Variants in STPG2 observed in about 807,000 individuals in gnomAD.
The protein encoded by STPG2 is sperm-tail PG-rich repeat-containing protein 2.
Under a neutral mutation model 54.2 loss-of-function variants are expected in STPG2, and 56 were observed. The ratio of observed to expected loss-of-function variants is 1.03; its 90% CI spans 0.83 to 1.29. The LOEUF (loss-of-function observed/expected upper bound fraction) is 1.29. STPG2 is among the 50% of genes most tolerant of loss of function. The pLI, the probability that STPG2 is intolerant of heterozygous loss-of-function variation, is 0.00. For missense variants in STPG2, 596 were observed against 544.9 expected, an observed-to-expected ratio of 1.09 and a Z score of -0.93; for synonymous variants, 200 against 181.8, an observed-to-expected ratio of 1.10 and a Z score of -0.81.
At chr4:97,813,417 C>T (rs989104909) in intron 9 of STPG2, among the ~76,000 whole-genome samples, 2 of 151,806 alleles carry the variant, frequency 1.3e-5, no homozygotes, top group Admixed American at 6.6e-5. Flanking sequence ...ATTTATTGAG[C>T]ACTTACTATG....
intron 10 of STPG2, among the ~76,000 whole-genome samples, chr4:97,626,111 A>T (rs937072034): frequency 2.6e-5 from 4 of 152,194 alleles, no homozygotes; most frequent in African/African-American, 9.7e-5. Flanking sequence ...CATAAATGTT[A>T]TTCACTCTAT....
intron 8 of STPG2, among the ~76,000 whole-genome samples, chr4:97,904,201 T>C (rs1179865858): frequency 9.9e-5 from 15 of 152,168 alleles, no homozygotes; most frequent in Non-Finnish European, 4.4e-5. Context: ...AATGTCCCTG[T>C]CTAACAGCTT....
chr4:98,113,165 C>T (rs1739412599), intron 3 of STPG2, among the ~76,000 whole-genome samples: 1 of 152,004 alleles, frequency 6.6e-6, no homozygotes, highest in Non-Finnish European at 1.5e-5. Flanking sequence ...AATCCGGCAG[C>T]TTTAGCTGTG....
intron 8 of STPG2, among the ~76,000 whole-genome samples, chr4:97,844,625 C>A (rs1056673425): frequency 6.6e-6 from 1 of 151,972 alleles, no homozygotes; most frequent in African/African-American, 2.4e-5. Flanking sequence ...ACTAGTTTGA[C>A]TATAATGTAT....
chr4:97,815,564 A>G (rs967807600), intron 9 of STPG2, among the ~76,000 whole-genome samples: 2 of 152,182 alleles, frequency 1.3e-5, no homozygotes, highest in Non-Finnish European at 2.9e-5. Context: ...CATGTAACAT[A>G]AGATGTAATG....
chr4:98,084,627 T>A (rs895576605), intron 5 of STPG2, among the ~76,000 whole-genome samples: 25 of 152,196 alleles, frequency 1.6e-4, no homozygotes, highest in African/African-American at 6.0e-4. Flanking sequence ...ATTTGATATT[T>A]CCAGTCTCTT....
At chr4:97,737,989 C>A (rs1368183649) in intron 9 of STPG2, among the ~76,000 whole-genome samples, 1 of 152,148 alleles carries the variant, frequency 6.6e-6, no homozygotes, top group African/African-American at 2.4e-5. Context: ...CAAAGGGAAG[C>A]CCATCAGGCT....
At chr4:98,033,900 A>G (rs188023303) in intron 5 of STPG2, among the ~76,000 whole-genome samples, 35 of 152,186 alleles carry the variant, frequency 2.3e-4, no homozygotes, top group Admixed American at 2.1e-3. Context: ...AAAATTCAAC[A>G]CCCCTTAATG....
rs1455232551 is a variant in STPG2, at chr4:97,840,776, G to T, written c.1201C>A (p.Pro401Thr). 1 of 1,610,404 alleles carries T rather than the reference G, an allele frequency of 6.2e-7. No homozygotes were observed. The highest frequency in any genetic ancestry group is 8.5e-7 in the Non-Finnish European group (1 of 1,177,732). Residue 401 changes from proline to threonine, a missense_variant, in exon 9 of 11, where the codon CCA becomes ACA. By Grantham distance (38) the Pro-to-Thr change is conservative. Transcript: ENST00000295268. ...TTATAAGGACTTCTAGACTTACCTGGCCCATCAGTCACTTTTTCTAGGCAC... is the reference window on the plus strand; with the variant it reads ...TTATAAGGACTTCTAGACTTACCTGTCCCATCAGTCACTTTTTCTAGGCAC... ...PRCLEKVTDG[P>T]GPAAYNPVLR...
intron 4 of STPG2, among the ~76,000 whole-genome samples, chr4:97,486,108 G>T (rs1365077732): frequency 6.6e-6 from 1 of 150,996 alleles, no homozygotes; most frequent in Non-Finnish European, 1.5e-5. Flanking sequence ...ATAGACATTG[G>T]CTTAGGCAAG....
intron 4 of STPG2, among the ~76,000 whole-genome samples, chr4:97,464,591 A>G (rs913346988): frequency 2.6e-5 from 4 of 152,024 alleles, no homozygotes; most frequent in Admixed American, 2.6e-4. Context: ...TAATTTTTGT[A>G]TTTTTAGTAG....
chr4:97,788,793 T>C lies in STPG2; in HGVS notation c.1204+51980A>G, dbSNP rs260901. ...ATGCCCACTTTTTAATTCCTGATAT[T>C]ATATAGTTTTTGTTAATTCAATTTT... On this transcript the variant is annotated intron_variant, in intron 9 of 10. Transcript: ENST00000295268. Among the ~76,000 whole-genome samples the C allele has an allele frequency of 3.7e-3, 568 of 152,216 alleles. 3 individuals are homozygous for C. Among genetic ancestry groups the C allele is most frequent in the Non-Finnish European group, 6.5e-3 (440 of 67,984 alleles).
intron 10 of STPG2, among the ~76,000 whole-genome samples, chr4:97,583,032 C>G (rs1302363081): frequency 1.3e-5 from 2 of 151,924 alleles, no homozygotes; most frequent in Admixed American, 1.3e-4. Context: ...GATGAAAATG[C>G]CTTTACATTA....
At chr4:97,962,859 A>G (rs74424478) in intron 7 of STPG2, among the ~76,000 whole-genome samples, 1,590 of 152,286 alleles carry the variant, frequency 0.01, 32 homozygotes, top group African/African-American at 0.036. Context: ...TCTACAGTGA[A>G]GAATAAATAC....
chr4:97,879,665 T>C (rs1267913740), intron 8 of STPG2, among the ~76,000 whole-genome samples: 4 of 152,170 alleles, frequency 2.6e-5, no homozygotes, highest in Non-Finnish European at 4.4e-5. Flanking sequence ...AAGATTTGGT[T>C]GTGGACACAG....
intron 10 of STPG2, among the ~76,000 whole-genome samples, chr4:97,688,448 G>A (rs531537550): frequency 2.0e-5 from 3 of 152,120 alleles, no homozygotes; most frequent in South Asian, 2.1e-4. Context: ...CTCACTGGAC[G>A]CTCTGCCTCC....
At chr4:97,529,686 A>C (rs931822563) in intron 4 of STPG2, among the ~76,000 whole-genome samples, 1 of 152,128 alleles carries the variant, frequency 6.6e-6, no homozygotes, top group Admixed American at 6.6e-5. Context: ...CCAGGGATTC[A>C]ACTTCTTCCT....
Position 97,807,158 on chromosome 4 carries a change from TATTA to T in STPG2, c.1204+33611_1204+33614del, listed in dbSNP as rs1317014137. Among the ~76,000 whole-genome samples the T allele has an allele frequency of 4.0e-5, 6 of 151,268 alleles. No homozygotes were observed. The East Asian group carries it at 1.2e-3, about 29-fold the overall frequency. On this transcript the variant is annotated intron_variant, in intron 9 of 10. Transcript: ENST00000295268. ...TAATATTGGAATAATATTAAGTCAATATTAATTATATTATATTAATAATATAATT... is the reference window on the plus strand; with the variant it reads ...TAATATTGGAATAATATTAAGTCAATATTATATTATATTAATAATATAATT...
intron 9 of STPG2, among the ~76,000 whole-genome samples, chr4:97,763,258 A>T (rs1725942553): frequency 6.6e-6 from 1 of 152,192 alleles, no homozygotes; most frequent in African/African-American, 2.4e-5. Context: ...ATATAGTGTT[A>T]GTTACTTGTG....
Sources: gnomAD v4.1 joint callset for allele counts (sites outside exome capture counted in the v4.1 genomes callset) on GRCh38, gnomAD v4.1.1 for gene constraint, MANE v1.5 for transcripts, NCBI Gene and HGNC (gene_info 2026-07-23, HGNC 2026-07-21) for gene names.